The following TANC1 variants were observed in gnomAD, a reference collection of about 807,000 sequenced individuals.
The protein encoded by TANC1 is tetratricopeptide repeat, ankyrin repeat and coiled-coil containing 1.
In TANC1, 77 loss-of-function variants were observed where a neutral mutation model predicts 149.7. The ratio of observed to expected loss-of-function variants is 0.51; its 90% CI spans 0.43 to 0.62. TANC1 has a LOEUF of 0.62. Ranked by LOEUF, TANC1 falls within the 20% of genes least tolerant of loss-of-function variation. TANC1 has a pLI of 0.00. For missense variants in TANC1, 1,985 were observed against 2,321.8 expected (o/e 0.85, Z 2.98); for synonymous variants, 854 against 925.0 (o/e 0.92, Z 1.39).
chr2:159,018,933 G>A (rs1284987212), intron 2 of TANC1, among the ~76,000 whole-genome samples: 2 of 152,200 alleles, frequency 1.3e-5, no homozygotes, highest in East Asian at 1.9e-4. Context: ...GCCTTCTCGG[G>A]CATGAAGGTA....
chr2:159,112,316 A>T, intron 4 of TANC1, among the ~76,000 whole-genome samples: 1 of 152,124 alleles, frequency 6.6e-6, no homozygotes, highest in African/African-American at 2.4e-5. Context: ...GTGTGATCTC[A>T]TCTTGCTCGG....
chr2:159,227,480 A>G (rs2060086814), intron 24 of TANC1: 1 of 256,258 alleles, frequency 3.9e-6, no homozygotes, highest in Admixed American at 5.4e-5. Context: ...TAGATTTGAG[A>G]TCATTCTTGA....
At chr2:159,050,048 T>A (rs2041354726) in intron 2 of TANC1, among the ~76,000 whole-genome samples, 1 of 152,176 alleles carries the variant, frequency 6.6e-6, no homozygotes, top group East Asian at 1.9e-4. Flanking sequence ...GATTGGGTGC[T>A]TGGGAGTGCA....
At chr2:159,138,838 A>G (rs1195543212) in intron 5 of TANC1, among the ~76,000 whole-genome samples, 1 of 152,182 alleles carries the variant, frequency 6.6e-6, no homozygotes, top group African/African-American at 2.4e-5. Flanking sequence ...TTATTCCTAA[A>G]TGCTTGAAAT....
chr2:159,220,016 G>GTGTGTGTGTC (rs777948312), intron 22 of TANC1, 149 bp downstream of exon 22: 29 of 695,372 alleles, frequency 4.2e-5, no homozygotes, highest in Admixed American at 8.3e-5. Flanking sequence ...GTGTGTGTGT[G>GTGTGTGTGTC]TGTGTCTTGT....
At chr2:159,062,973 C>CAGAAAAAAAAAAAAAAAA (rs1553534831) in intron 2 of TANC1, among the ~76,000 whole-genome samples, 1 of 41,216 alleles carries the variant, frequency 2.4e-5, no homozygotes, top group Non-Finnish European at 5.4e-5. Context: ...GACTCCGTCT[C>CAGAAAAAAAAAAAAAAAA]AAAAAAAAAA....
intron 4 of TANC1, among the ~76,000 whole-genome samples, chr2:159,108,648 T>C (rs6729547): frequency 6.6e-6 from 1 of 152,148 alleles, no homozygotes; most frequent in South Asian, 2.1e-4. Context: ...AACCTGATAT[T>C]CCAGCTCGAC....
At chr2:158,989,887 C>T (rs959740311) in intron 1 of TANC1, among the ~76,000 whole-genome samples, 4 of 151,634 alleles carry the variant, frequency 2.6e-5, no homozygotes, top group Non-Finnish European at 4.4e-5. Flanking sequence ...AATTTCTTCA[C>T]GGCCTTAGTT....
At chr2:159,219,987 T>A (rs1357518442) in intron 22 of TANC1, 120 bp downstream of exon 22, 3 of 572,128 alleles carry the variant, frequency 5.2e-6, no homozygotes, top group African/African-American at 2.2e-5. Context: ...AGTGTGTGTG[T>A]GTGTGTGTGT....
At chr2:159,107,121 G>C (rs2047263302) in intron 4 of TANC1, among the ~76,000 whole-genome samples, 1 of 152,136 alleles carries the variant, frequency 6.6e-6, no homozygotes, top group South Asian at 2.1e-4. Flanking sequence ...TCCACCTCCT[G>C]GGTTCAAGCG....
intron 19 of TANC1, among the ~76,000 whole-genome samples, chr2:159,205,057 C>A (rs2058509201): frequency 6.6e-6 from 1 of 152,230 alleles, no homozygotes; most frequent in Non-Finnish European, 1.5e-5. Flanking sequence ...TGTTTCCAGG[C>A]CCCTCTTGGG....
rs1461186603 is a variant in TANC1 at position 159,231,884 on chromosome 2, A to G, written c.*872A>G. The G allele has an allele frequency of 6.6e-6, 1 of 152,276 alleles. No homozygotes were observed. Among genetic ancestry groups the G allele is most frequent in the Non-Finnish European group, 1.5e-5 (1 of 68,030 alleles). The allele number at this position is 152,276 out of a possible 1,614,324, so 9.4% of individuals were successfully genotyped here. A position where few individuals can be genotyped will look rare whatever the true frequency, so the allele number is the denominator to read the frequency against. On this transcript the variant is annotated 3_prime_UTR_variant, in exon 27 of 27. Coordinates refer to ENST00000263635, the MANE Select transcript of TANC1 (RefSeq NM_033394.3). ...CCTCTAAGGACAATATTTAATTCAGATACTAAAGGTAAGACTGGTTGTTAC... is the reference window on the plus strand; with the variant it reads ...CCTCTAAGGACAATATTTAATTCAGGTACTAAAGGTAAGACTGGTTGTTAC...
chr2:158,980,223 A>G (rs141803401), intron 1 of TANC1, among the ~76,000 whole-genome samples: 109 of 152,286 alleles, frequency 7.2e-4, no homozygotes, highest in Non-Finnish European at 1.3e-3. Context: ...TGTTCATTAT[A>G]AATATCCTGG....
chr2:159,014,966 G>A (rs1177586955), intron 2 of TANC1, among the ~76,000 whole-genome samples: 3 of 152,198 alleles, frequency 2.0e-5, no homozygotes, highest in Non-Finnish European at 4.4e-5. Flanking sequence ...CACGCGCACA[G>A]TGCAAGCTGT....
rs575331550 is a variant in TANC1 at position 159,182,301 on chromosome 2, GAAGT to G, written c.2510+3140_2510+3143del. The stretch of plus-strand genomic sequence containing the variant: ...TACATCTGTTTCCTTTTTTTTTGTT[GAAGT>G]ATGTTAAATTGTAAACATGACATTT... On this transcript the variant is annotated intron_variant, in intron 14 of 26. Transcript: ENST00000263635. Among the ~76,000 whole-genome samples, 1,251 of 149,622 alleles carry G rather than the reference GAAGT, an allele frequency of 8.4e-3. 12 individuals carry two copies. The highest frequency in any genetic ancestry group is 9.3e-3 in the Non-Finnish European group (629 of 67,444).
In TANC1 at chr2:159,230,183, G is replaced by T; in HGVS notation, c.4757G>T (p.Gly1586Val). ...GSRTQHLEGT[G>V]TFTTRAGCGH... ...AGAACCCAGCATTTAGAGGGAACAG[G>T]TACTTTCACTACAAGAGCTGGTTGT... The change falls in exon 27 of 27, where the codon GGT (glycine) becomes GTT (valine). Residue 1586 changes from glycine to valine, a missense_variant. By Grantham distance (109) the Gly-to-Val change is moderately radical. Transcript: ENST00000263635. The surrounding 1 kb of genome is among the most constrained non-coding windows in gnomAD (Gnocchi z 4.4). 1.2e-6 allele frequency: 2 copies of T among 1,614,070 alleles called. No individual in the cohort carries two copies. Among genetic ancestry groups the T allele is most frequent in the Non-Finnish European group, 1.7e-6 (2 of 1,180,042 alleles).
At chr2:159,010,937 G>A (rs985842625) in intron 2 of TANC1, among the ~76,000 whole-genome samples, 4 of 152,052 alleles carry the variant, frequency 2.6e-5, no homozygotes, top group South Asian at 2.1e-4. Flanking sequence ...TTGCTTTGTC[G>A]CCCAAGCTGG....
Position 159,230,594 on chromosome 2 carries a change from T to C in TANC1, c.5168T>C (p.Phe1723Ser), listed in dbSNP as rs768311480. The C allele has an allele frequency of 6.2e-7, 1 of 1,614,180 alleles. No homozygotes were observed. The highest frequency in any genetic ancestry group is 1.7e-5 in the Admixed American group (1 of 60,024). Residue 1723 changes from phenylalanine to serine, a missense_variant, in exon 27 of 27, where the codon TTC becomes TCC. Physicochemically the swap from Phe to Ser is radical, Grantham distance 155. Around this residue, in one of 3 missense-constraint regions of TANC1, gnomAD observed 920 missense variants for 994.7 expected, o/e 0.92. Transcript: ENST00000263635. The surrounding 1 kb of genome is among the most constrained non-coding windows in gnomAD (Gnocchi z 4.4). ...GAGCACAGACCCCGCAACACGCCGT[T>C]CATGGGCATCATGGATAAGACTGCG... is the stretch of plus-strand genomic sequence containing the variant. ...TAEHRPRNTP[F>S]MGIMDKTARF...
intron 3 of TANC1, among the ~76,000 whole-genome samples, chr2:159,090,272 GAATGGA>G (rs2045386490): frequency 6.6e-6 from 1 of 152,148 alleles, no homozygotes; most frequent in African/African-American, 2.4e-5. Context: ...TGTACATTTG[GAATGGA>G]AACTTTTATT....
Sources: allele counts gnomAD v4.1 joint callset (sites outside exome capture counted in the v4.1 genomes callset), GRCh38; gene constraint gnomAD v4.1.1; regional missense constraint gnomAD v4.1.1; non-coding constraint Gnocchi (gnomAD v3.1); transcripts MANE v1.5; gene names NCBI Gene and HGNC (gene_info 2026-07-23, HGNC 2026-07-21).